Variants in SDC1 observed in about 807,000 individuals in gnomAD.
SDC1 encodes syndecan-1.
Under a neutral mutation model 29.7 loss-of-function variants are expected in SDC1, and 14 were observed. That is an observed-to-expected ratio of 0.47 (90% CI 0.31 to 0.74). The LOEUF (loss-of-function observed/expected upper bound fraction) is 0.74. SDC1 is among the 30% of genes least tolerant of loss of function. SDC1 has a pLI of 0.05. For missense variants in SDC1, 406 were observed against 400.3 expected, an observed-to-expected ratio of 1.01 and a Z score of -0.12; for synonymous variants, 204 against 175.5, an observed-to-expected ratio of 1.16 and a Z score of -1.29.
chr2:20,207,619 C>A (rs187656648), intron 1 of SDC1, among the ~76,000 whole-genome samples: 9 of 152,302 alleles, frequency 5.9e-5, no homozygotes, highest in African/African-American at 9.6e-5. Flanking sequence ...GCAGGAGAAT[C>A]CCCTGAATCC....
chr2:20,218,162 T>C (rs1677692233), intron 1 of SDC1, among the ~76,000 whole-genome samples: 1 of 152,174 alleles, frequency 6.6e-6, no homozygotes, highest in South Asian at 2.1e-4. Context: ...AGAACGACCC[T>C]TTGGCAGAGG....
chr2:20,215,600 C>T lies in SDC1; in HGVS notation c.66+9202G>A, dbSNP rs79509049. On this transcript the variant is annotated intron_variant, in intron 1 of 4. Transcript: ENST00000254351. ...CCTCAGTGCTCCCCTAGACTTGCTT[C>T]TCTGTGCTCTAGGCAAGGAAGGGGC... 1.1e-3 allele frequency among the ~76,000 whole-genome samples: 163 copies of T among 152,376 alleles called. 3 individuals are homozygous for T. In the East Asian group the frequency reaches 0.026, roughly 25 times the overall value.
intron 1 of SDC1, among the ~76,000 whole-genome samples, chr2:20,209,565 C>T (rs1003173970): frequency 2.6e-5 from 4 of 152,242 alleles, no homozygotes; most frequent in Non-Finnish European, 5.9e-5. Flanking sequence ...CAGAACGGGA[C>T]CTGTGCCACC....
chr2:20,213,483 C>G (rs1459763698), intron 1 of SDC1, among the ~76,000 whole-genome samples: 3 of 152,240 alleles, frequency 2.0e-5, no homozygotes, highest in Non-Finnish European at 4.4e-5. Flanking sequence ...GTATCATCAC[C>G]CTCAGCTTCC....
chr2:20,205,543 G>A (rs1230928500), intron 1 of SDC1, 119 bp from the exon 2 acceptor site: 7 of 775,342 alleles, frequency 9.0e-6, no homozygotes, highest in South Asian at 1.7e-5. Flanking sequence ...GGTACACAGG[G>A]AGAAGCCTTC....
At chr2:20,206,142 G>A (rs1572462458) in intron 1 of SDC1, among the ~76,000 whole-genome samples, 2 of 152,360 alleles carry the variant, frequency 1.3e-5, no homozygotes, top group Middle Eastern at 6.8e-3. Flanking sequence ...CCTTGGGGAA[G>A]GAAGGACAGG....
intron 1 of SDC1, chr2:20,223,164 C>A (rs1188807358): frequency 1.5e-5 from 15 of 983,188 alleles, no homozygotes; most frequent in South Asian, 2.7e-5. Flanking sequence ...GGCACAGGGA[C>A]CTCTCCTGGA....
chr2:20,207,907 G>A (rs1677332103), intron 1 of SDC1: 2 of 975,982 alleles, frequency 2.0e-6, no homozygotes, highest in Non-Finnish European at 2.4e-6. Flanking sequence ...CACAGAGTGG[G>A]CACCCCCACC....
chr2:20,208,719 C>T (rs1677365909), intron 1 of SDC1, among the ~76,000 whole-genome samples: 1 of 152,206 alleles, frequency 6.6e-6, no homozygotes, highest in Non-Finnish European at 1.5e-5. Flanking sequence ...CTGGGTGCTT[C>T]CGAGGCTGCC....
At chr2:20,207,767 C>T (rs1377638479) in intron 1 of SDC1, among the ~76,000 whole-genome samples, 1 of 152,204 alleles carries the variant, frequency 6.6e-6, no homozygotes, top group Admixed American at 6.5e-5. Context: ...CCACACAAGG[C>T]CACATCCGAT....
intron 1 of SDC1, among the ~76,000 whole-genome samples, chr2:20,218,216 C>G (rs1218101579): frequency 6.6e-6 from 1 of 152,208 alleles, no homozygotes; most frequent in Non-Finnish European, 1.5e-5. Context: ...CACAGCCAAA[C>G]AGTCGGGGCT....
intron 1 of SDC1, among the ~76,000 whole-genome samples, chr2:20,217,798 C>T (rs959567014): frequency 6.6e-6 from 1 of 152,184 alleles, no homozygotes; most frequent in African/African-American, 2.4e-5. Context: ...CCAACCTGCC[C>T]GCCACAGCCT....
At chr2:20,219,352 G>A (rs1033719507) in intron 1 of SDC1, among the ~76,000 whole-genome samples, 11 of 152,148 alleles carry the variant, frequency 7.2e-5, no homozygotes, top group Admixed American at 2.0e-4. Flanking sequence ...TCCTGAGGGC[G>A]GGCAAAAGCA....
At chr2:20,219,731 C>T (rs1677754066) in intron 1 of SDC1, among the ~76,000 whole-genome samples, 1 of 152,226 alleles carries the variant, frequency 6.6e-6, no homozygotes. Context: ...GGGGCCCTTT[C>T]AACCCAAGAT....
intron 1 of SDC1, among the ~76,000 whole-genome samples, chr2:20,219,873 G>A (rs1211420404): frequency 6.6e-6 from 1 of 152,232 alleles, no homozygotes; most frequent in Non-Finnish European, 1.5e-5. Flanking sequence ...GGAGGTGACT[G>A]TGGCACCAGA....
Position 20,214,440 on chromosome 2 carries a change from C to T in SDC1, c.67-9016G>A, listed in dbSNP as rs1677571155. On this transcript the variant is annotated intron_variant, in intron 1 of 4. Coordinates refer to ENST00000254351, the MANE Select transcript of SDC1 (RefSeq NM_002997.5). The stretch of plus-strand genomic sequence containing the variant: ...GGAGACAGAATTTTCTGTGACGGCT[C>T]TCTCTGAAGAGGGAGAAGCCACCTG... 3.3e-5 allele frequency among the ~76,000 whole-genome samples: 5 copies of T among 152,188 alleles called. No individual in the cohort carries two copies. In the South Asian group the frequency reaches 1.0e-3, roughly 31 times the overall value.
intron 1 of SDC1, chr2:20,207,902 AG>A (rs1677331826): frequency 1.0e-6 from 1 of 963,876 alleles, no homozygotes. Context: ...GGGATCACAG[AG>A]TGGGCACCCC....
chr2:20,207,762 C>A (rs1179560834), intron 1 of SDC1, among the ~76,000 whole-genome samples: 2 of 152,224 alleles, frequency 1.3e-5, no homozygotes, highest in East Asian at 3.9e-4. Flanking sequence ...CGCCTCCACA[C>A]AAGGCCACAT....
In SDC1 at chr2:20,201,525, A is replaced by C. The variant is rs1677007991; in HGVS notation, c.*1241T>G. The C allele has an allele frequency of 6.5e-6, 1 of 152,698 alleles. No homozygotes were observed. Among genetic ancestry groups the C allele is most frequent in the African/African-American group, 2.4e-5 (1 of 41,468 alleles). 9.5% of individuals were successfully genotyped at this position (152,698 alleles called of 1,614,324 possible). On this transcript the variant is annotated 3_prime_UTR_variant, in exon 5 of 5. Transcript: ENST00000254351. ...TTATATTAAAGTTTATTACATTTGGAAAATCTACTGTACAGGGAAAAACCC... is the reference window on the plus strand; with the variant it reads ...TTATATTAAAGTTTATTACATTTGGCAAATCTACTGTACAGGGAAAAACCC...
Sources: allele counts gnomAD v4.1 joint callset (sites outside exome capture counted in the v4.1 genomes callset), GRCh38; gene constraint gnomAD v4.1.1; transcripts MANE v1.5; gene names NCBI Gene and HGNC (gene_info 2026-07-23, HGNC 2026-07-21).